GNG12: variants seen among roughly 807,000 people sequenced by gnomAD.
The protein encoded by GNG12 is G protein subunit gamma 12.
For synonymous variants in GNG12, 28 were observed against 29.7 expected, an observed-to-expected ratio of 0.94 and a Z score of 0.19; for missense variants, 69 against 83.8, an observed-to-expected ratio of 0.82 and a Z score of 0.69.
In GNG12 at chr1:67,753,426, T is replaced by G. The variant is rs2100728667; in HGVS notation, c.-27+24032A>C. ...CAGATAAGCGATTCTCAATCTGTAC[T>G]TGCTGAGTTTCAATTCATGCCCTAC... On this transcript the variant is annotated intron_variant, in intron 2 of 3. Coordinates refer to ENST00000370982, the MANE Select transcript of GNG12 (RefSeq NM_018841.6). 1.3e-5 allele frequency among the ~76,000 whole-genome samples: 2 copies of G among 152,010 alleles called. 1 individual carries two copies. The highest frequency in any genetic ancestry group is 4.2e-4 in the South Asian group (2 of 4,806).
chr1:67,822,736 T>TC (rs1284257261), intron 1 of GNG12, among the ~76,000 whole-genome samples: 2 of 151,966 alleles, frequency 1.3e-5, no homozygotes, highest in Non-Finnish European at 2.9e-5. Context: ...TTTTTTGCTT[T>TC]TTTTTTGTTT....
intron 1 of GNG12, among the ~76,000 whole-genome samples, chr1:67,792,346 A>G (rs1276298): frequency 0.72 from 109,970 of 152,086 alleles, 39,887 homozygotes; most frequent in Middle Eastern, 0.79. Context: ...CTGGCCAGAA[A>G]TATTTTATTG....
At chr1:67,810,759 C>T (rs1646920103) in intron 1 of GNG12, among the ~76,000 whole-genome samples, 1 of 152,160 alleles carries the variant, frequency 6.6e-6, no homozygotes, top group Admixed American at 6.5e-5. Flanking sequence ...TGGAAGGGAT[C>T]TGGCCTTACC....
At chr1:67,763,365 T>C (rs1646617481) in intron 2 of GNG12, among the ~76,000 whole-genome samples, 1 of 152,230 alleles carries the variant, frequency 6.6e-6, no homozygotes, top group Admixed American at 6.5e-5. Context: ...TTCTTGACTC[T>C]GGCATGCTTC....
chr1:67,749,033 C>T (rs1286721475), intron 2 of GNG12, among the ~76,000 whole-genome samples: 1 of 152,098 alleles, frequency 6.6e-6, no homozygotes, highest in Non-Finnish European at 1.5e-5. Context: ...TCCCTCTTCC[C>T]ACTCCCCTGG....
chr1:67,746,804 T>C (rs1646510169), intron 2 of GNG12, among the ~76,000 whole-genome samples: 1 of 152,244 alleles, frequency 6.6e-6, no homozygotes, highest in Admixed American at 6.5e-5. Flanking sequence ...ACATTTATTC[T>C]CTCAGAGTCT....
chr1:67,822,565 C>G (rs1646990324), intron 1 of GNG12, among the ~76,000 whole-genome samples: 1 of 152,164 alleles, frequency 6.6e-6, no homozygotes. Context: ...AACCAACCTT[C>G]ATAAAAGTCA....
At chr1:67,719,380 G>A (rs1646344633) in intron 2 of GNG12, among the ~76,000 whole-genome samples, 1 of 152,214 alleles carries the variant, frequency 6.6e-6, no homozygotes, top group Non-Finnish European at 1.5e-5. Flanking sequence ...TCCTGAGGGT[G>A]GGTCATGAAT....
chr1:67,787,864 C>A (rs1646779523), intron 1 of GNG12, among the ~76,000 whole-genome samples: 1 of 152,144 alleles, frequency 6.6e-6, no homozygotes, highest in African/African-American at 2.4e-5. Context: ...TAGGAAAAAC[C>A]AACTCATCTT....
chr1:67,785,267 C>A (rs1011620054), intron 1 of GNG12, among the ~76,000 whole-genome samples: 1 of 152,054 alleles, frequency 6.6e-6, no homozygotes, highest in African/African-American at 2.4e-5. Context: ...GCTCACAAAA[C>A]GGATCCACCC....
chr1:67,750,655 A>G (rs1646533693), intron 2 of GNG12, among the ~76,000 whole-genome samples: 1 of 152,202 alleles, frequency 6.6e-6, no homozygotes, highest in African/African-American at 2.4e-5. Flanking sequence ...GTTGGTTTCA[A>G]AGAAGGTATT....
intron 2 of GNG12, among the ~76,000 whole-genome samples, chr1:67,735,206 T>C (rs1483177277): frequency 6.6e-6 from 1 of 152,214 alleles, no homozygotes; most frequent in Non-Finnish European, 1.5e-5. Flanking sequence ...TTCCATGCCA[T>C]GTATTTTGGA....
chr1:67,764,294 A>G (rs1011699098), intron 2 of GNG12, among the ~76,000 whole-genome samples: 2 of 152,056 alleles, frequency 1.3e-5, no homozygotes, highest in African/African-American at 4.8e-5. Context: ...CAGCTGGGGG[A>G]CCAGGAGAAA....
At chr1:67,823,814 T>G (rs1197334101) in intron 1 of GNG12, among the ~76,000 whole-genome samples, 1 of 152,172 alleles carries the variant, frequency 6.6e-6, no homozygotes, top group African/African-American at 2.4e-5. Context: ...AAGTACACCT[T>G]CACAAAGCAA....
intron 2 of GNG12, among the ~76,000 whole-genome samples, chr1:67,722,300 A>G (rs1412280897): frequency 6.6e-6 from 1 of 152,116 alleles, no homozygotes; most frequent in Admixed American, 6.6e-5. Flanking sequence ...TCAGGAGAGA[A>G]AAAGGCTGAG....
chr1:67,710,883 C>T (rs1646291382), intron 2 of GNG12, among the ~76,000 whole-genome samples: 1 of 152,186 alleles, frequency 6.6e-6, no homozygotes, highest in Non-Finnish European at 1.5e-5. Flanking sequence ...TTGAGTACTA[C>T]TGCTACTAAG....
At chr1:67,763,969 T>C (rs536607546) in intron 2 of GNG12, among the ~76,000 whole-genome samples, 1 of 152,332 alleles carries the variant, frequency 6.6e-6, no homozygotes, top group African/African-American at 2.4e-5. Flanking sequence ...ACTGCTGTTT[T>C]AGTGGCTTTC....
intron 2 of GNG12, among the ~76,000 whole-genome samples, chr1:67,751,471 A>G (rs1366767903): frequency 6.6e-6 from 1 of 152,136 alleles, no homozygotes; most frequent in East Asian, 1.9e-4. Context: ...TCCCACAGTT[A>G]GGGTCTCTGT....
chr1:67,767,072 A>G (rs944619363), intron 2 of GNG12, among the ~76,000 whole-genome samples: 2 of 152,144 alleles, frequency 1.3e-5, no homozygotes, highest in Non-Finnish European at 2.9e-5. Context: ...GGTCCTCTTT[A>G]GAAAAATCAT....
Sources: gnomAD v4.1 joint callset for allele counts (sites outside exome capture counted in the v4.1 genomes callset) on GRCh38, gnomAD v4.1.1 for gene constraint, MANE v1.5 for transcripts, NCBI Gene and HGNC (gene_info 2026-07-23, HGNC 2026-07-21) for gene names.